The following CDH18 variants were observed in gnomAD, a reference collection of about 807,000 sequenced individuals.
CDH18 encodes cadherin-18.
Under a neutral mutation model 67.9 loss-of-function variants are expected in CDH18, and 31 were observed. The ratio of observed to expected loss-of-function variants is 0.46; its 90% CI spans 0.34 to 0.62. The LOEUF is 0.62. Among genes scored for constraint, CDH18 ranks in the 20% least tolerant of loss-of-function variants. The probability of loss-of-function intolerance (pLI) is 0.01; values close to 1 mark genes in which losing one functional copy is unlikely to be tolerated. For synonymous variants in CDH18, 362 were observed against 347.2 expected (o/e 1.04, Z -0.48); for missense variants, 890 against 975.5 (o/e 0.91, Z 1.17).
chr5:19,576,082 C>T (rs922396994), intron 7 of CDH18, among the ~76,000 whole-genome samples: 11 of 151,962 alleles, frequency 7.2e-5, no homozygotes, highest in African/African-American at 2.7e-4. Flanking sequence ...AAGTATTGAG[C>T]CTTACAAGAA....
intron 3 of CDH18, among the ~76,000 whole-genome samples, chr5:19,752,703 T>G (rs1771011073): frequency 6.6e-6 from 1 of 152,068 alleles, no homozygotes; most frequent in South Asian, 2.1e-4. Flanking sequence ...AAGCACCACC[T>G]CCTGGCAGAA....
At chr5:19,748,600 G>A (rs1770438903) in intron 3 of CDH18, among the ~76,000 whole-genome samples, 1 of 152,056 alleles carries the variant, frequency 6.6e-6, no homozygotes, top group Non-Finnish European at 1.5e-5. Context: ...TAACCTCAAT[G>A]ATTTACCTTT....
intron 3 of CDH18, among the ~76,000 whole-genome samples, chr5:19,750,002 T>C (rs1249856079): frequency 6.6e-6 from 1 of 152,008 alleles, no homozygotes; most frequent in Non-Finnish European, 1.5e-5. Context: ...TGAAAATGTA[T>C]TTCGATTACA....
At chr5:19,622,349 T>G (rs559734595) in intron 5 of CDH18, among the ~76,000 whole-genome samples, 2 of 152,202 alleles carry the variant, frequency 1.3e-5, no homozygotes, top group Non-Finnish European at 2.9e-5. Context: ...TTGTTTCAAG[T>G]GGCCATTAGC....
intron 1 of CDH18, among the ~76,000 whole-genome samples, chr5:20,267,690 C>T (rs2126653112): frequency 6.6e-6 from 1 of 152,152 alleles, no homozygotes; most frequent in Middle Eastern, 3.4e-3. Flanking sequence ...TTCTTGATTT[C>T]CCTCTCATAT....
rs1395879379 is a variant in CDH18, at chr5:20,334,750, T to TCACACACACACA, written c.-579-79246_-579-79245insTGTGTGTGTGTG. 4.3e-4 allele frequency among the ~76,000 whole-genome samples: 43 copies of TCACACACACACA among 99,360 alleles called. 1 individual carries two copies. The highest frequency in any genetic ancestry group is 2.0e-3 in the African/African-American group (41 of 20,460). 65.2% of individuals were successfully genotyped at this position (99,360 alleles called of 152,430 possible). A position where few individuals can be genotyped will look rare whatever the true frequency, so the allele number is the denominator to read the frequency against. On this transcript the variant is annotated intron_variant, in intron 1 of 14. Coordinates refer to the CDH18 transcript ENST00000507958. ...TATGATCTCTCTCTCTCTCTCTCTCTCATACACACACACACACACACACAC... is the reference window on the plus strand; with the variant it reads ...TATGATCTCTCTCTCTCTCTCTCTCTCACACACACACACATACACACACACACACACACACAC...
intron 8 of CDH18, 67 bp from the exon 9 acceptor site, chr5:19,544,072 G>GTATTA (rs1561309034): frequency 2.8e-5 from 20 of 705,262 alleles, no homozygotes. Flanking sequence ...ACCAAGGAAA[G>GTATTA]TATTATATCT....
chr5:20,182,836 A>G (rs1264951832), intron 2 of CDH18, among the ~76,000 whole-genome samples: 1 of 151,690 alleles, frequency 6.6e-6, no homozygotes, highest in Non-Finnish European at 1.5e-5. Flanking sequence ...GAAAAAAAAA[A>G]TCTCTTCTTT....
At chr5:19,668,271 T>C (rs1349044118) in intron 5 of CDH18, among the ~76,000 whole-genome samples, 1 of 152,098 alleles carries the variant, frequency 6.6e-6, no homozygotes, top group Non-Finnish European at 1.5e-5. Flanking sequence ...TTGAATGCTC[T>C]TGTGAAAGTA....
intron 5 of CDH18, among the ~76,000 whole-genome samples, chr5:19,717,744 T>G (rs573844328): frequency 6.6e-6 from 1 of 152,190 alleles, no homozygotes; most frequent in East Asian, 1.9e-4. Flanking sequence ...TCAAAATGCA[T>G]TGCTTAGGTT....
chr5:20,014,415 G>A (rs1219128364), intron 2 of CDH18, among the ~76,000 whole-genome samples: 1 of 152,030 alleles, frequency 6.6e-6, no homozygotes, highest in Admixed American at 6.6e-5. Flanking sequence ...GAATGGGAAA[G>A]TCTTCCTAGA....
Position 19,740,269 on chromosome 5 carries a change from T to C in CDH18, c.523+6673A>G, listed in dbSNP as rs1768927431. Among the ~76,000 whole-genome samples the C allele has an allele frequency of 7.2e-5, 11 of 152,214 alleles. No homozygotes were observed. In the South Asian group the frequency reaches 2.3e-3, roughly 32 times the overall value. ...CACAGAAGAGTTAAAAATTTGTACA[T>C]TTTCATACAGAAATATTTATTTGAA... On this transcript the variant is annotated intron_variant, in intron 4 of 12. Coordinates refer to ENST00000382275, the MANE Select transcript of CDH18 (RefSeq NM_004934.5).
intron 2 of CDH18, among the ~76,000 whole-genome samples, chr5:19,951,551 C>T (rs1348771599): frequency 1.3e-5 from 2 of 152,020 alleles, no homozygotes; most frequent in South Asian, 2.1e-4. Flanking sequence ...CCCAAAGAAA[C>T]CTAAACAGAG....
chr5:19,871,406 T>A (rs568035148), intron 2 of CDH18, among the ~76,000 whole-genome samples: 58 of 152,274 alleles, frequency 3.8e-4, no homozygotes, highest in African/African-American at 1.4e-3. Flanking sequence ...TTTATTTCTA[T>A]AAACTTCTAT....
rs139836369 is a variant in CDH18 at position 20,271,262 on chromosome 5, G to T, written c.-579-15757C>A. Among the ~76,000 whole-genome samples the T allele has an allele frequency of 4.8e-3, 738 of 152,262 alleles. 8 individuals carry two copies. Among genetic ancestry groups the T allele is most frequent in the African/African-American group, 0.016 (681 of 41,562 alleles). ...TATGGATAAGTTAGATCAGAAGATT[G>T]AGACCCTAATCCACTAGAACTGTTG... On this transcript the variant is annotated intron_variant, in intron 1 of 14. Coordinates refer to the CDH18 transcript ENST00000507958.
intron 11 of CDH18, among the ~76,000 whole-genome samples, chr5:19,500,638 G>C (rs949171777): frequency 2.0e-5 from 3 of 152,072 alleles, no homozygotes; most frequent in South Asian, 2.1e-4. Context: ...AACATCTTTA[G>C]CACTATGCAA....
At chr5:19,538,531 A>G (rs778102244) in intron 9 of CDH18, among the ~76,000 whole-genome samples, 1 of 152,206 alleles carries the variant, frequency 6.6e-6, no homozygotes, top group Non-Finnish European at 1.5e-5. Flanking sequence ...TACATTTGTA[A>G]GAGTTAATTT....
chr5:20,226,528 G>C (rs888831276), intron 2 of CDH18, among the ~76,000 whole-genome samples: 6 of 152,056 alleles, frequency 3.9e-5, no homozygotes, highest in African/African-American at 1.4e-4. Context: ...CTTTTCAACA[G>C]TAAAATAATT....
chr5:19,598,501 A>G (rs1215896364), intron 6 of CDH18, among the ~76,000 whole-genome samples: 2 of 152,118 alleles, frequency 1.3e-5, no homozygotes, highest in African/African-American at 4.8e-5. Context: ...TTTACAACAA[A>G]AGAAGGACAT....
Sources: allele counts gnomAD v4.1 joint callset (sites outside exome capture counted in the v4.1 genomes callset), GRCh38; gene constraint gnomAD v4.1.1; transcripts MANE v1.5; gene names NCBI Gene and HGNC (gene_info 2026-07-23, HGNC 2026-07-21).